Variants in CAP2 observed in about 807,000 individuals in gnomAD.
CAP2 encodes adenylyl cyclase-associated protein 2.
Under a neutral mutation model 57.7 loss-of-function variants are expected in CAP2, and 24 were observed. That is an observed-to-expected ratio of 0.42 (90% CI 0.30 to 0.58). The LOEUF is 0.58. Among genes scored for constraint, CAP2 ranks in the 20% least tolerant of loss-of-function variants. The pLI is 0.22. For missense variants in CAP2, 501 were observed against 590.3 expected (o/e 0.85, Z 1.57); for synonymous variants, 194 against 207.2 (o/e 0.94, Z 0.55).
At chr6:17,412,514 C>G (rs1043019440) in intron 1 of CAP2, among the ~76,000 whole-genome samples, 3 of 152,146 alleles carry the variant, frequency 2.0e-5, no homozygotes, top group Non-Finnish European at 4.4e-5. Flanking sequence ...AATTAAGATT[C>G]TCTAATCCCC....
At position 17,539,275 on chromosome 6, in the gene CAP2, G is replaced by A. The variant is rs745693966; in HGVS notation, c.643G>A (p.Val215Ile). The A allele has an allele frequency of 2.5e-6, 4 of 1,612,852 alleles. No homozygotes were observed. Among genetic ancestry groups the A allele is most frequent in the Non-Finnish European group, 3.4e-6 (4 of 1,179,342 alleles). The change falls in exon 8 of 13, where the codon GTA becomes ATA. Residue 215 changes from valine (V) to isoleucine (I), a missense_variant. Physicochemically the swap from Val to Ile is conservative, Grantham distance 29. Coordinates refer to ENST00000229922, the MANE Select transcript of CAP2 (RefSeq NM_006366.3). ...TGLTWSKTGP[V>I]ASTVSAFSVL... Reference sequence around the variant, plus strand: ...CTGTCTTCTGTCTTCTCAGGGTCCTGTAGCATCCACAGTATCAGCGTTTTC... The same window carrying A: ...CTGTCTTCTGTCTTCTCAGGGTCCTATAGCATCCACAGTATCAGCGTTTTC...
chr6:17,531,380 G>T, intron 7 of CAP2: 1 of 1,593,736 alleles, frequency 6.3e-7, no homozygotes, highest in Non-Finnish European at 8.5e-7. Context: ...CGCCAATTTG[G>T]GTTCTGCAGG....
At chr6:17,414,184 A>AACTGGTT (rs1427119470) in intron 1 of CAP2, among the ~76,000 whole-genome samples, 12 of 152,174 alleles carry the variant, frequency 7.9e-5, no homozygotes, top group African/African-American at 2.9e-4. Flanking sequence ...GAGAGTTCAC[A>AACTGGTT]TATAAACCAG....
chr6:17,474,525 G>A (rs956301035), intron 4 of CAP2, among the ~76,000 whole-genome samples: 2 of 152,050 alleles, frequency 1.3e-5, no homozygotes, highest in African/African-American at 4.8e-5. Flanking sequence ...CTTTCACTAA[G>A]TATTTATCGC....
At chr6:17,468,713 G>T (rs962146832) in intron 4 of CAP2, among the ~76,000 whole-genome samples, 1 of 152,196 alleles carries the variant, frequency 6.6e-6, no homozygotes, top group African/African-American at 2.4e-5. Context: ...CCAGTTGATG[G>T]AAGGATTCTC....
chr6:17,508,489 T>TA (rs1762047166), intron 6 of CAP2, among the ~76,000 whole-genome samples: 1 of 152,160 alleles, frequency 6.6e-6, no homozygotes, highest in Non-Finnish European at 1.5e-5. Flanking sequence ...CCTTGTACTC[T>TA]AAACAGCTGG....
intron 1 of CAP2, among the ~76,000 whole-genome samples, chr6:17,420,666 T>C (rs538415671): frequency 2.0e-4 from 30 of 152,346 alleles, no homozygotes; most frequent in Admixed American, 1.8e-3. Context: ...AATTTTTCCA[T>C]ATATGTTTTG....
chr6:17,404,221 C>T (rs1020921578), intron 1 of CAP2, among the ~76,000 whole-genome samples: 15 of 152,160 alleles, frequency 9.9e-5, no homozygotes, highest in Non-Finnish European at 2.1e-4. Context: ...CCTGTAATCC[C>T]CACCACTTTG....
At chr6:17,431,605 C>T (rs1462611090) in intron 3 of CAP2, among the ~76,000 whole-genome samples, 1 of 152,142 alleles carries the variant, frequency 6.6e-6, no homozygotes, top group Non-Finnish European at 1.5e-5. Context: ...TCACTTTGTG[C>T]CATGCTGTTC....
At chr6:17,487,150 C>T (rs1426190729) in intron 4 of CAP2, among the ~76,000 whole-genome samples, 3 of 152,186 alleles carry the variant, frequency 2.0e-5, no homozygotes, top group Admixed American at 6.5e-5. Context: ...GAAAAGAAGC[C>T]ATCCTCGTGC....
intron 7 of CAP2, among the ~76,000 whole-genome samples, chr6:17,532,173 C>T (rs1762660488): frequency 1.6e-5 from 2 of 125,096 alleles, no homozygotes; most frequent in Admixed American, 9.2e-5. Flanking sequence ...CAGAGTCTCA[C>T]TCTATCCCCC....
intron 3 of CAP2, among the ~76,000 whole-genome samples, chr6:17,448,917 A>G (rs1760333840): frequency 6.6e-6 from 1 of 151,956 alleles, no homozygotes. Context: ...ACCCACCACC[A>G]CGCCAGGCTA....
Position 17,556,586 on chromosome 6 carries a change from T to C in CAP2, c.*144T>C. On this transcript the variant is annotated 3_prime_UTR_variant, in exon 13 of 13. Coordinates refer to ENST00000229922, the MANE Select transcript of CAP2 (RefSeq NM_006366.3). ...TTCTGTGCTATAGATACAGCACTGT[T>C]TCTGGCACGCCTCGTGGGCATTTTG... is the stretch of plus-strand genomic sequence containing the variant. The C allele has an allele frequency of 1.6e-6, 1 of 612,062 alleles. No homozygotes were observed. Among genetic ancestry groups the C allele is most frequent in the South Asian group, 2.1e-5 (1 of 47,166 alleles). 37.9% of individuals were successfully genotyped at this position (612,062 alleles called of 1,614,324 possible).
At chr6:17,443,605 G>C (rs1256349790) in intron 3 of CAP2, among the ~76,000 whole-genome samples, 1 of 151,038 alleles carries the variant, frequency 6.6e-6, no homozygotes, top group African/African-American at 2.4e-5. Context: ...GTGCGCACGT[G>C]CACTCCCTCC....
chr6:17,496,524 C>T (rs1292526389), intron 4 of CAP2, among the ~76,000 whole-genome samples: 2 of 151,940 alleles, frequency 1.3e-5, no homozygotes, highest in Non-Finnish European at 2.9e-5. Context: ...TGCAGTCTCA[C>T]TCTATTGCCC....
At chr6:17,544,408 G>C (rs1431070123) in intron 11 of CAP2, among the ~76,000 whole-genome samples, 1 of 152,160 alleles carries the variant, frequency 6.6e-6, no homozygotes, top group Non-Finnish European at 1.5e-5. Flanking sequence ...TTGAGAAGTA[G>C]GGTTGGAGTT....
intron 7 of CAP2, among the ~76,000 whole-genome samples, chr6:17,515,135 T>C (rs1411790902): frequency 6.6e-6 from 1 of 151,364 alleles, no homozygotes; most frequent in East Asian, 1.9e-4. Flanking sequence ...AGGCGGAGAT[T>C]GCAGTGAGCC....
rs147496853 is a variant in CAP2 at position 17,448,149 on chromosome 6, C to T, written c.223-14847C>T. Among the ~76,000 whole-genome samples, 993 of 152,276 alleles carry T rather than the reference C, an allele frequency of 6.5e-3. 11 individuals carry two copies. The highest frequency in any genetic ancestry group is 0.022 in the African/African-American group (933 of 41,554). ...ATAACACAAAATGAAAGGATAATGC[C>T]GTAATGCTTAGTGTCACAGTGGATT... On this transcript the variant is annotated intron_variant, in intron 3 of 12. Transcript: ENST00000229922.
At chr6:17,464,833 T>A (rs1010665927) in intron 4 of CAP2, among the ~76,000 whole-genome samples, 1 of 152,184 alleles carries the variant, frequency 6.6e-6, no homozygotes, top group South Asian at 2.1e-4. Flanking sequence ...CACAAAGCGA[T>A]GTGTTGTAGA....
Sources: gnomAD v4.1 joint callset for allele counts (sites outside exome capture counted in the v4.1 genomes callset) on GRCh38, gnomAD v4.1.1 for gene constraint, MANE v1.5 for transcripts, NCBI Gene and HGNC (gene_info 2026-07-23, HGNC 2026-07-21) for gene names.